HMBOX1: variants seen among roughly 807,000 people sequenced by gnomAD.
HMBOX1 encodes homeobox-containing protein 1.
Under a neutral mutation model 54.5 loss-of-function variants are expected in HMBOX1, and 14 were observed. That is an observed-to-expected ratio of 0.26 (90% CI 0.17 to 0.40). The LOEUF (loss-of-function observed/expected upper bound fraction) is 0.40. Among genes scored for constraint, HMBOX1 ranks in the 10% least tolerant of loss-of-function variants. The pLI is 1.00. For synonymous variants in HMBOX1, 160 were observed against 181.0 expected, an observed-to-expected ratio of 0.88 and a Z score of 0.93; for missense variants, 332 against 514.4, an observed-to-expected ratio of 0.65 and a Z score of 3.43.
intron 5 of HMBOX1, chr8:29,010,300 C>T (rs1337406091): frequency 1.2e-5 from 4 of 339,400 alleles, no homozygotes. Context: ...TGGCTCACGC[C>T]TGTAATCCCA....
In HMBOX1 at chr8:29,018,889, A is replaced by G; in HGVS notation, c.827A>G (p.Lys276Arg). 4 of 1,614,138 alleles carry G rather than the reference A, an allele frequency of 2.5e-6. No individual in the cohort carries two copies. The highest frequency in any genetic ancestry group is 3.4e-6 in the Non-Finnish European group (4 of 1,179,990). The change falls in exon 6 of 10, where the codon AAG becomes AGG. Residue 276 changes from lysine (K) to arginine (R), a missense_variant. This residue lies in a region of HMBOX1 where 117 missense variants were observed against 220.0 expected (regional missense o/e 0.53). Transcript: ENST00000287701. Reference protein sequence around the residue: ...LRRGSRFTWRKECLAVMESYF... With the variant: ...LRRGSRFTWRRECLAVMESYF... The stretch of plus-strand genomic sequence containing the variant: ...CGAGGGAGTCGATTTACCTGGAGAA[A>G]GGAGTGCCTGGCTGTTATGGAAAGG...
chr8:28,936,420 A>G (rs1245349895), intron 1 of HMBOX1, among the ~76,000 whole-genome samples: 2 of 151,932 alleles, frequency 1.3e-5, no homozygotes, highest in Non-Finnish European at 2.9e-5. Flanking sequence ...TATACTATGT[A>G]TTATACATTT....
At chr8:29,034,782 G>A (rs953189094) in intron 6 of HMBOX1, among the ~76,000 whole-genome samples, 4 of 152,268 alleles carry the variant, frequency 2.6e-5, no homozygotes, top group East Asian at 1.9e-4. Flanking sequence ...ACTTGAACCC[G>A]GGAGGCGGAA....
At chr8:28,917,211 G>C (rs1816727995) in intron 1 of HMBOX1, among the ~76,000 whole-genome samples, 1 of 152,092 alleles carries the variant, frequency 6.6e-6, no homozygotes, top group Non-Finnish European at 1.5e-5. Context: ...CATGAACACT[G>C]TATATCTCTC....
chr8:28,978,681 G>A (rs1828833516), intron 3 of HMBOX1, among the ~76,000 whole-genome samples: 1 of 151,922 alleles, frequency 6.6e-6, no homozygotes, highest in Admixed American at 6.6e-5. Context: ...CAGCTACTCA[G>A]GTGGCTGAAG....
At chr8:28,949,342 C>G (rs1387738881) in intron 1 of HMBOX1, among the ~76,000 whole-genome samples, 3 of 152,094 alleles carry the variant, frequency 2.0e-5, no homozygotes, top group African/African-American at 7.2e-5. Flanking sequence ...CAGAGTTTGG[C>G]CTGCAAGGCA....
At chr8:28,939,664 C>G (rs1317073630) in intron 1 of HMBOX1, among the ~76,000 whole-genome samples, 3 of 151,790 alleles carry the variant, frequency 2.0e-5, no homozygotes, top group African/African-American at 7.3e-5. Flanking sequence ...CACCCACCAC[C>G]ACGCCTGACT....
At chr8:28,895,940 T>C (rs1172482327) in intron 1 of HMBOX1, among the ~76,000 whole-genome samples, 2 of 152,242 alleles carry the variant, frequency 1.3e-5, no homozygotes, top group Non-Finnish European at 2.9e-5. Context: ...TAGTAGGAGT[T>C]ATCTTGCCAA....
intron 5 of HMBOX1, chr8:29,010,247 T>C: frequency 1.7e-6 from 1 of 597,678 alleles, no homozygotes; most frequent in Non-Finnish European, 2.1e-6. Flanking sequence ...ACCTGTTTAC[T>C]CTTTCTTAGA....
intron 4 of HMBOX1, among the ~76,000 whole-genome samples, chr8:28,994,906 AG>A (rs970097050): frequency 6.6e-6 from 1 of 152,192 alleles, no homozygotes; most frequent in African/African-American, 2.4e-5. Flanking sequence ...GCAAGAGATC[AG>A]GGGGGATTTT....
intron 1 of HMBOX1, among the ~76,000 whole-genome samples, chr8:28,950,848 G>A (rs182275249): frequency 1.4e-3 from 218 of 152,194 alleles, no homozygotes; most frequent in Admixed American, 3.7e-3. Flanking sequence ...TTTAGAATAG[G>A]AAAAAGTAGG....
At chr8:29,022,326 G>T (rs1801316977) in intron 6 of HMBOX1, among the ~76,000 whole-genome samples, 1 of 152,178 alleles carries the variant, frequency 6.6e-6, no homozygotes, top group Non-Finnish European at 1.5e-5. Flanking sequence ...GCTGAGGCAG[G>T]AGGATTGCTT....
intron 9 of HMBOX1, chr8:29,050,725 G>C (rs1806324243): frequency 8.0e-6 from 3 of 374,132 alleles, no homozygotes; most frequent in Non-Finnish European, 1.5e-5. Context: ...ATCAATCACT[G>C]CAGGTTTGAT....
At chr8:29,003,555 A>AAT (rs71222586) in intron 4 of HMBOX1, among the ~76,000 whole-genome samples, 3,561 of 71,276 alleles carry the variant, frequency 0.05, 378 homozygotes, top group South Asian at 0.15. Context: ...TTCTGTATTA[A>AAT]ATATATATAT....
intron 6 of HMBOX1, chr8:29,042,687 G>T (rs969571277): frequency 2.2e-6 from 1 of 456,128 alleles, no homozygotes; most frequent in African/African-American, 2.0e-5. Flanking sequence ...AATGGAAGTT[G>T]CTTTCTGCAG....
chr8:29,024,470 A>G (rs1340224513), intron 6 of HMBOX1, among the ~76,000 whole-genome samples: 1 of 152,216 alleles, frequency 6.6e-6, no homozygotes, highest in Non-Finnish European at 1.5e-5. Flanking sequence ...CTGTTAGATA[A>G]TAGCGGTAGG....
chr8:28,911,729 C>T (rs1815484975), intron 1 of HMBOX1, among the ~76,000 whole-genome samples: 1 of 152,038 alleles, frequency 6.6e-6, no homozygotes, highest in African/African-American at 2.4e-5. Flanking sequence ...TAAGAGGGTT[C>T]GTTCTGGTTG....
chr8:28,890,243 C>T (rs1458447057), upstream of HMBOX1: 1 of 199,214 alleles, frequency 5.0e-6, no homozygotes, highest in Non-Finnish European at 1.0e-5. Context: ...CTCCCCTTTC[C>T]CTCCTCCCAA....
intron 4 of HMBOX1, among the ~76,000 whole-genome samples, chr8:29,008,321 TG>T (rs1268132272): frequency 6.6e-6 from 1 of 152,232 alleles, no homozygotes; most frequent in Non-Finnish European, 1.5e-5. Context: ...TACTTTCAAA[TG>T]TAGAGATTCT....
Sources: allele counts gnomAD v4.1 joint callset (sites outside exome capture counted in the v4.1 genomes callset), GRCh38; gene constraint gnomAD v4.1.1; regional missense constraint gnomAD v4.1.1; transcripts MANE v1.5; gene names NCBI Gene and HGNC (gene_info 2026-07-23, HGNC 2026-07-21).